Variants in IQSEC3 observed in about 807,000 individuals in gnomAD.
IQSEC3 encodes IQ motif and Sec7 domain ArfGEF 3.
IQSEC3 carries 50 observed loss-of-function variants against 105.4 expected under a neutral mutation model. The observed-to-expected ratio is 0.47, with a 90% CI of 0.38 to 0.60. The LOEUF (loss-of-function observed/expected upper bound fraction) is 0.60. Among genes scored for constraint, IQSEC3 ranks in the 20% least tolerant of loss-of-function variants. The pLI is 0.00. For missense variants in IQSEC3, 1,415 were observed against 1,630.0 expected (o/e 0.87, Z 2.27); for synonymous variants, 708 against 746.0 (o/e 0.95, Z 0.83).
intron 1 of IQSEC3, among the ~76,000 whole-genome samples, chr12:69,405 G>A (rs1447541887): frequency 6.6e-6 from 1 of 152,260 alleles, no homozygotes; most frequent in African/African-American, 2.4e-5. Flanking sequence ...CAATTCTGGA[G>A]AGGAGTTATA....
intron 5 of IQSEC3, chr12:148,842 C>T (rs1555091807): frequency 6.6e-6 from 1 of 152,134 alleles, no homozygotes; most frequent in Non-Finnish European, 1.5e-5. Flanking sequence ...CCTTCCAGAT[C>T]TTCGCCGTCT....
At chr12:153,600 G>A (rs999504179) in intron 5 of IQSEC3, among the ~76,000 whole-genome samples, 1 of 152,180 alleles carries the variant, frequency 6.6e-6, no homozygotes, top group Non-Finnish European at 1.5e-5. Flanking sequence ...ACCCAGAATA[G>A]CACCTGTTCA....
intron 2 of IQSEC3, among the ~76,000 whole-genome samples, chr12:108,395 A>G (rs1555078603): frequency 6.6e-6 from 1 of 152,188 alleles, no homozygotes; most frequent in Non-Finnish European, 1.5e-5. Context: ...GTTTGGGCTG[A>G]GCAGTTATTG....
chr12:98,908 C>A (rs1237223279), intron 1 of IQSEC3, among the ~76,000 whole-genome samples: 1 of 152,194 alleles, frequency 6.6e-6, no homozygotes, highest in East Asian at 1.9e-4. Flanking sequence ...AAGGAGGCTG[C>A]ACACAGGAGG....
chr12:107,521 T>G (rs1555078266), intron 2 of IQSEC3, among the ~76,000 whole-genome samples: 3 of 144,302 alleles, frequency 2.1e-5, no homozygotes, highest in Non-Finnish European at 4.5e-5. Flanking sequence ...GCCATTCTCC[T>G]GCCTCAGCCT....
chr12:70,937 A>G (rs1407927202), intron 1 of IQSEC3, among the ~76,000 whole-genome samples: 4 of 152,008 alleles, frequency 2.6e-5, no homozygotes, highest in Non-Finnish European at 4.4e-5. Context: ...CTGCCTCACT[A>G]CCCTTTTTCC....
At chr12:79,261 G>A (rs1226518614) in intron 1 of IQSEC3, among the ~76,000 whole-genome samples, 1 of 152,056 alleles carries the variant, frequency 6.6e-6, no homozygotes, top group Non-Finnish European at 1.5e-5. Context: ...GGTGGCTAGG[G>A]ACCCACTGGC....
intron 4 of IQSEC3, 113 bp downstream of exon 4, chr12:139,467 C>A: frequency 1.3e-6 from 1 of 792,472 alleles, no homozygotes; most frequent in Non-Finnish European, 2.0e-6. Context: ...CACGTCATGC[C>A]AGGGTCCTCC....
intron 1 of IQSEC3, among the ~76,000 whole-genome samples, chr12:71,844 G>A (rs1253884808): frequency 1.3e-5 from 2 of 152,264 alleles, no homozygotes; most frequent in African/African-American, 2.4e-5. Context: ...TCCCCAGCAG[G>A]GAGAGAGTTT....
chr12:99,570 G>A (rs572013509), intron 2 of IQSEC3, among the ~76,000 whole-genome samples: 4 of 152,236 alleles, frequency 2.6e-5, no homozygotes, highest in African/African-American at 4.8e-5. Flanking sequence ...AGTGGTGTGC[G>A]CTCAGCCCAT....
intron 3 of IQSEC3, among the ~76,000 whole-genome samples, chr12:130,467 T>C (rs530885394): frequency 6.6e-6 from 1 of 152,324 alleles, no homozygotes; most frequent in Admixed American, 6.5e-5. Flanking sequence ...GTTTCGACCC[T>C]GTACCTTCCA....
rs782129918 is a variant in IQSEC3, at chr12:157,912, C to T, written c.2443+218C>T. On this transcript the variant is annotated intron_variant, in intron 7 of 13. Transcript: ENST00000538872. ...CGCCACCGCTCTACCAAACAGCAAGCGCCCTTGGGCAGTGCCTCTTGCCCT... is the reference window on the plus strand; with the variant it reads ...CGCCACCGCTCTACCAAACAGCAAGTGCCCTTGGGCAGTGCCTCTTGCCCT... 8.5e-5 allele frequency among the ~76,000 whole-genome samples: 13 copies of T among 152,398 alleles called. No homozygotes were observed. The East Asian group carries it at 1.2e-3, about 14-fold the overall frequency.
At chr12:157,306 G>A (rs1479230044) in intron 6 of IQSEC3, among the ~76,000 whole-genome samples, 159 bp downstream of exon 6, 3 of 152,152 alleles carry the variant, frequency 2.0e-5, no homozygotes, top group African/African-American at 7.2e-5. Flanking sequence ...GAGAAACAAG[G>A]GAAGGGAAGA....
intron 5 of IQSEC3, among the ~76,000 whole-genome samples, chr12:150,667 G>A (rs557954594): frequency 2.4e-4 from 36 of 152,340 alleles, no homozygotes; most frequent in African/African-American, 8.7e-4. Flanking sequence ...TGGCCACATA[G>A]CAACCAGCAA....
chr12:165,596 G>C, intron 10 of IQSEC3, 63 bp downstream of exon 10: 1 of 1,550,532 alleles, frequency 6.4e-7, no homozygotes, highest in Non-Finnish European at 8.9e-7. Flanking sequence ...TGGCTGGGGC[G>C]AGTTGAGGGA....
intron 11 of IQSEC3, among the ~76,000 whole-genome samples, chr12:166,695 T>C (rs1343395217): frequency 6.6e-6 from 1 of 152,210 alleles, no homozygotes; most frequent in African/African-American, 2.4e-5. Flanking sequence ...CACTTAGTTA[T>C]AAAGTGTTTC....
chr12:70,569 C>T (rs1863274443), intron 1 of IQSEC3, among the ~76,000 whole-genome samples: 1 of 152,398 alleles, frequency 6.6e-6, no homozygotes, highest in South Asian at 2.1e-4. Context: ...TCAATCAAGG[C>T]TCACGGCATC....
At chr12:68,673 AG>A (rs1381065333) in intron 1 of IQSEC3, among the ~76,000 whole-genome samples, 2 of 152,282 alleles carry the variant, frequency 1.3e-5, no homozygotes, top group East Asian at 1.9e-4. Flanking sequence ...GGGAATGGGG[AG>A]GGGGAAGTAG....
intron 11 of IQSEC3, chr12:167,057 C>T (rs1298303634): frequency 1.3e-5 from 2 of 152,186 alleles, no homozygotes; most frequent in Non-Finnish European, 1.5e-5. Context: ...ATCCATCGGA[C>T]TGGACTCTGG....
Sources: gnomAD v4.1 joint callset for allele counts (sites outside exome capture counted in the v4.1 genomes callset) on GRCh38, gnomAD v4.1.1 for gene constraint, MANE v1.5 for transcripts, NCBI Gene and HGNC (gene_info 2026-07-23, HGNC 2026-07-21) for gene names.